Variants in TRPS1 observed in about 807,000 individuals in gnomAD.
TRPS1 encodes zinc finger transcription factor Trps1.
A neutral mutation model predicts 101.2 loss-of-function variants in TRPS1; 6 were observed. That is an observed-to-expected ratio of 0.06 (90% CI 0.03 to 0.12). The LOEUF (loss-of-function observed/expected upper bound fraction) is 0.12, where lower values mean the gene tolerates loss of function less well. TRPS1 is among the 10% of genes least tolerant of loss of function. The probability of loss-of-function intolerance (pLI) is 1.00; values close to 1 mark genes in which losing one functional copy is unlikely to be tolerated. For synonymous variants in TRPS1, 578 were observed against 589.8 expected, an observed-to-expected ratio of 0.98 and a Z score of 0.29; for missense variants, 1,363 against 1,567.0, an observed-to-expected ratio of 0.87 and a Z score of 2.20.
At chr8:115,652,595 T>C (rs2130612576) in intron 1 of TRPS1, among the ~76,000 whole-genome samples, 1 of 152,318 alleles carries the variant, frequency 6.6e-6, no homozygotes, top group South Asian at 2.1e-4. Flanking sequence ...TATTCAATAT[T>C]TGTTGTTACC....
rs1361466433 is a variant in TRPS1, at chr8:115,412,277, T to C, written c.*1746A>G. On this transcript the variant is annotated 3_prime_UTR_variant, in exon 7 of 7. Coordinates refer to ENST00000395715, the MANE Select transcript of TRPS1 (RefSeq NM_014112.5). Reference sequence around the variant, plus strand: ...TTCCTTCTTGTTTTCCATACCATTATAGCAAGAACTTTCATTTGTTTCATG... The same window carrying C: ...TTCCTTCTTGTTTTCCATACCATTACAGCAAGAACTTTCATTTGTTTCATG... 5 of 152,554 alleles carry C rather than the reference T, an allele frequency of 3.3e-5. No homozygotes were observed. Among genetic ancestry groups the C allele is most frequent in the South Asian group, 2.1e-4 (1 of 4,828 alleles). The allele number at this position is 152,554 out of a possible 1,614,324, so 9.5% of individuals were successfully genotyped here. A position where few individuals can be genotyped will look rare whatever the true frequency, so the allele number is the denominator to read the frequency against.
chr8:115,639,106 C>T (rs1285183685), intron 1 of TRPS1, among the ~76,000 whole-genome samples: 1 of 152,046 alleles, frequency 6.6e-6, no homozygotes, highest in African/African-American at 2.4e-5. Context: ...CTCTGTTGTC[C>T]CAGCTAGAGT....
At chr8:115,617,228 G>A (rs1024824568) in intron 3 of TRPS1, among the ~76,000 whole-genome samples, 3 of 152,074 alleles carry the variant, frequency 2.0e-5, no homozygotes, top group African/African-American at 7.2e-5. Flanking sequence ...TTATGTTCCT[G>A]CATGCTCTTT....
intron 5 of TRPS1, among the ~76,000 whole-genome samples, chr8:115,432,961 G>A (rs77184383): frequency 0.049 from 7,466 of 151,846 alleles, 665 homozygotes; most frequent in African/African-American, 0.17. Context: ...GGTAAAAGTG[G>A]GGGAAGGGAG....
rs1270170631 is a variant in TRPS1 at position 115,411,431 on chromosome 8, G to A, written c.*2592C>T. Reference sequence around the variant, plus strand: ...ATTGCCCAAGTTAACCAAACTTCTGGTGTTTTGCTGATTTAAGCAGTCCAC... The same window carrying A: ...ATTGCCCAAGTTAACCAAACTTCTGATGTTTTGCTGATTTAAGCAGTCCAC... On this transcript the variant is annotated 3_prime_UTR_variant, in exon 7 of 7. Transcript: ENST00000395715. The A allele has an allele frequency of 1.3e-5, 2 of 152,328 alleles. No homozygotes were observed. The highest frequency in any genetic ancestry group is 2.9e-5 in the Non-Finnish European group (2 of 67,976). The allele number at this position is 152,328 out of a possible 1,614,324, so 9.4% of individuals were successfully genotyped here.
In TRPS1 at chr8:115,418,779, C is replaced by T. The variant is rs1421598370; in HGVS notation, c.2701-327G>A. Among the ~76,000 whole-genome samples the T allele has an allele frequency of 2.0e-5, 3 of 152,046 alleles. No homozygotes were observed. Among genetic ancestry groups the T allele is most frequent in the Non-Finnish European group, 4.4e-5 (3 of 68,024 alleles). Reference sequence around the variant, plus strand: ...TACCTTTTAAAAGTGTCAAAACATACGTCAAAAAGACAGAACATGGCAATA... The same window carrying T: ...TACCTTTTAAAAGTGTCAAAACATATGTCAAAAAGACAGAACATGGCAATA... On this transcript the variant is annotated intron_variant, in intron 5 of 6. Transcript: ENST00000395715. This position sits in a 1 kb window ranked among gnomAD's most constrained non-coding sequence, Gnocchi z 4.3.
chr8:115,666,809 A>AT (rs1459878090), intron 1 of TRPS1, among the ~76,000 whole-genome samples: 1 of 152,042 alleles, frequency 6.6e-6, no homozygotes, highest in Non-Finnish European at 1.5e-5. Context: ...TTTCTTTGTA[A>AT]TTTTGTCTCA....
intron 5 of TRPS1, among the ~76,000 whole-genome samples, chr8:115,458,784 A>G (rs985422583): frequency 2.0e-5 from 3 of 152,234 alleles, no homozygotes; most frequent in Admixed American, 6.5e-5. Flanking sequence ...TTCATAGAGA[A>G]GGCTCAGAAT....
intron 5 of TRPS1, among the ~76,000 whole-genome samples, chr8:115,453,380 T>TATGTACAC (rs1458771189): frequency 6.6e-6 from 1 of 152,166 alleles, no homozygotes; most frequent in African/African-American, 2.4e-5. Context: ...CTGACAAACA[T>TATGTACAC]ATGTACACAA....
Position 115,457,722 on chromosome 8 carries a change from G to A in TRPS1, c.2701-39270C>T, listed in dbSNP as rs188447163. Among the ~76,000 whole-genome samples, 95 of 152,236 alleles carry A rather than the reference G, an allele frequency of 6.2e-4. 1 individual carries two copies. The highest frequency in any genetic ancestry group is 3.4e-3 in the Middle Eastern group (1 of 294). ...AACAAAATCCTAAACGACCACTAAC[G>A]CTGGACCCAATTCAACATTTACAAA... is the stretch of plus-strand genomic sequence containing the variant. On this transcript the variant is annotated intron_variant, in intron 5 of 6. Coordinates refer to ENST00000395715, the MANE Select transcript of TRPS1 (RefSeq NM_014112.5).
rs763505035 is a variant in TRPS1, at chr8:115,587,526, G to A, written c.2175C>T (p.Asn725=). Residue 725 remains asparagine, a synonymous_variant, in exon 5 of 7, where the codon AAC becomes AAT. Coordinates refer to ENST00000395715, the MANE Select transcript of TRPS1 (RefSeq NM_014112.5). ...TGTCCTGTTCCTGGCAGTGAACAGT[G>A]TTGAAGTGCTCCAGTAGTGACTGAG... is the stretch of plus-strand genomic sequence containing the variant. The part of the protein sequence containing the change: ...ADTQSLLEHF[N]TVHCQEQDIT... 5.6e-6 allele frequency: 9 copies of A among 1,614,202 alleles called. No individual in the cohort carries two copies. The South Asian group carries it at 9.9e-5, about 18-fold the overall frequency.
chr8:115,576,814 G>T (rs1243684204), intron 5 of TRPS1, among the ~76,000 whole-genome samples: 3 of 152,126 alleles, frequency 2.0e-5, no homozygotes, highest in Non-Finnish European at 4.4e-5. Context: ...TTTGAGGAAA[G>T]CTCTGATTTT....
At chr8:115,650,073 CG>C (rs1563670170) in intron 1 of TRPS1, among the ~76,000 whole-genome samples, 1 of 152,146 alleles carries the variant, frequency 6.6e-6, no homozygotes, top group African/African-American at 2.4e-5. Flanking sequence ...GTCTAAATTT[CG>C]CCTACTCACT....
chr8:115,506,251 GA>G (rs893271134), intron 5 of TRPS1, among the ~76,000 whole-genome samples: 6 of 149,946 alleles, frequency 4.0e-5, no homozygotes, highest in Non-Finnish European at 7.4e-5. Context: ...AAACATGCAG[GA>G]AAAAAAAACA....
At chr8:115,614,851 T>G (rs1818242820) in intron 3 of TRPS1, among the ~76,000 whole-genome samples, 1 of 152,180 alleles carries the variant, frequency 6.6e-6, no homozygotes, top group African/African-American at 2.4e-5. Context: ...ACAGTAAGAT[T>G]AATGGTCTCT....
intron 5 of TRPS1, among the ~76,000 whole-genome samples, chr8:115,508,294 C>T (rs928260626): frequency 3.9e-5 from 6 of 151,986 alleles, no homozygotes; most frequent in African/African-American, 1.2e-4. Context: ...GAAATAAACG[C>T]CATTTTAAAG....
intron 5 of TRPS1, among the ~76,000 whole-genome samples, chr8:115,565,551 T>C (rs1018064717): frequency 1.3e-5 from 2 of 151,972 alleles, no homozygotes; most frequent in Admixed American, 1.3e-4. Context: ...TTATTTTCCA[T>C]TTGATAAGCG....
Position 115,414,075 on chromosome 8 carries a change from C to G in TRPS1, c.3833G>C (p.Gly1278Ala), listed in dbSNP as rs778331175. ...KYDFTTHIQR[G>A]LHRNNAQVEK... ...CACTTGTGCATTGTTCCTATGCAGG[C>G]CCCTCTGGATATGTGTTGTGAAGTC... is the stretch of plus-strand genomic sequence containing the variant. Residue 1278 changes from glycine to alanine, a missense_variant, in exon 7 of 7, where the codon GGC (glycine) becomes GCC (alanine). Around this residue, in one of 5 missense-constraint regions of TRPS1, gnomAD observed 307 missense variants for 392.4 expected, o/e 0.78. Transcript: ENST00000395715. This position sits in a 1 kb window ranked among gnomAD's most constrained non-coding sequence, Gnocchi z 4.8. 1.2e-6 allele frequency: 2 copies of G among 1,613,820 alleles called. No homozygotes were observed. The highest frequency in any genetic ancestry group is 2.2e-5 in the East Asian group (1 of 44,852).
rs138824859 is a variant in TRPS1 at position 115,621,682 on chromosome 8, C to T, written c.38-1622G>A. Among the ~76,000 whole-genome samples the T allele has an allele frequency of 3.2e-3, 483 of 152,046 alleles. 3 individuals carry two copies. The highest frequency in any genetic ancestry group is 0.011 in the African/African-American group (445 of 41,494). On this transcript the variant is annotated intron_variant, in intron 2 of 6. Coordinates refer to ENST00000395715, the MANE Select transcript of TRPS1 (RefSeq NM_014112.5). ...GTAATCCCAGCACTTTGGGAGGCCACGGCGGGTGGATCACCTGAGGTCAGG... is the reference window on the plus strand; with the variant it reads ...GTAATCCCAGCACTTTGGGAGGCCATGGCGGGTGGATCACCTGAGGTCAGG...
Sources: allele counts gnomAD v4.1 joint callset (sites outside exome capture counted in the v4.1 genomes callset), GRCh38; gene constraint gnomAD v4.1.1; regional missense constraint gnomAD v4.1.1; non-coding constraint Gnocchi (gnomAD v3.1); transcripts MANE v1.5; gene names NCBI Gene and HGNC (gene_info 2026-07-23, HGNC 2026-07-21).